IL1RAPL1: variants seen among roughly 807,000 people sequenced by gnomAD.
IL1RAPL1 encodes the protein interleukin 1 receptor accessory protein like 1, also known as interleukin-1 receptor accessory protein-like 1.
In IL1RAPL1, 3 loss-of-function variants were observed where a neutral mutation model predicts 48.4. The observed-to-expected ratio is 0.06, with a 90% CI of 0.03 to 0.16. The LOEUF (loss-of-function observed/expected upper bound fraction) is 0.16. IL1RAPL1 is among the 10% of genes least tolerant of loss of function. IL1RAPL1 has a pLI of 1.00. For synonymous variants in IL1RAPL1, 185 were observed against 187.7 expected (o/e 0.99, Z 0.12); for missense variants, 349 against 530.6 (o/e 0.66, Z 3.36).
rs184585508 is a variant in IL1RAPL1 at position 28,588,904 on chromosome X, C to A, written c.-25+857C>A. ...AGACCGTCCTTTTATTGCAATGCAGCCAGCTTGGGAAATGCAGGCAATTAA... is the reference window on the plus strand; with the variant it reads ...AGACCGTCCTTTTATTGCAATGCAGACAGCTTGGGAAATGCAGGCAATTAA... On this transcript the variant is annotated intron_variant, in intron 1 of 10. Coordinates refer to ENST00000378993, the MANE Select transcript of IL1RAPL1 (RefSeq NM_014271.4). 8.9e-5 allele frequency among the ~76,000 whole-genome samples: 10 copies of A among 111,763 alleles called. No individual in the cohort carries two copies. In the East Asian group the frequency reaches 2.5e-3, roughly 28 times the overall value.
At chrX:29,604,205 T>A (rs771030883) in intron 5 of IL1RAPL1, among the ~76,000 whole-genome samples, 1 of 112,266 alleles carries the variant, frequency 8.9e-6, no homozygotes, top group Non-Finnish European at 1.9e-5. Flanking sequence ...AACTTCTACT[T>A]TCTCCTCTGA....
At chrX:29,175,056 A>AGT (rs74497785) in intron 2 of IL1RAPL1, among the ~76,000 whole-genome samples, 43,818 of 93,292 alleles carry the variant, frequency 0.47, 8,760 homozygotes, top group Non-Finnish European at 0.55. Flanking sequence ...CCTGGGCAAC[A>AGT]GTGTGAGACT....
intron 6 of IL1RAPL1, among the ~76,000 whole-genome samples, chrX:29,760,138 C>A (rs763049151): frequency 9.0e-6 from 1 of 111,624 alleles, no homozygotes; most frequent in South Asian, 3.8e-4. Flanking sequence ...ACAATCATTG[C>A]GAGATGGGGA....
chrX:28,810,027 A>G (rs957806284), intron 2 of IL1RAPL1, among the ~76,000 whole-genome samples: 4 of 109,335 alleles, frequency 3.7e-5, no homozygotes, highest in African/African-American at 1.3e-4. Flanking sequence ...GAGTAACTGT[A>G]TTGATGGTGG....
intron 3 of IL1RAPL1, among the ~76,000 whole-genome samples, chrX:29,341,910 G>C (rs894121884): frequency 2.7e-5 from 3 of 110,726 alleles, no homozygotes; most frequent in African/African-American, 9.9e-5. Flanking sequence ...GGGTTCAAGA[G>C]ATTCTCCTAC....
chrX:29,450,862 C>T (rs925290609), intron 5 of IL1RAPL1, among the ~76,000 whole-genome samples: 7 of 111,009 alleles, frequency 6.3e-5, no homozygotes, highest in Non-Finnish European at 1.1e-4. Flanking sequence ...TAAATTTTGT[C>T]AAATAAACTT....
intron 2 of IL1RAPL1, among the ~76,000 whole-genome samples, chrX:29,210,028 A>G (rs980107454): frequency 3.6e-5 from 4 of 112,106 alleles, no homozygotes; most frequent in African/African-American, 1.3e-4. Flanking sequence ...TTGGCAGGTG[A>G]AAGTCAACCA....
rs777971576 is a variant in IL1RAPL1 at position 29,459,613 on chromosome X, G to C, written c.703+60305G>C. On this transcript the variant is annotated intron_variant, in intron 5 of 10. Transcript: ENST00000378993. ...GATTTCTAAAAAAGAGGTTGTTGAG[G>C]TAAACTGTAACATTCTAAAAATTAT... 2.7e-5 allele frequency among the ~76,000 whole-genome samples: 3 copies of C among 111,349 alleles called. No individual in the cohort carries two copies. The South Asian group carries it at 1.2e-3, about 43-fold the overall frequency.
At chrX:28,901,382 A>G (rs1021890238) in intron 2 of IL1RAPL1, among the ~76,000 whole-genome samples, 6 of 112,393 alleles carry the variant, frequency 5.3e-5, no homozygotes, top group Non-Finnish European at 1.1e-4. Context: ...TATTATTTTC[A>G]ATATTTAGAT....
intron 2 of IL1RAPL1, among the ~76,000 whole-genome samples, chrX:29,254,609 T>C (rs1204883517): frequency 1.8e-5 from 2 of 111,417 alleles, no homozygotes; most frequent in Non-Finnish European, 3.8e-5. Context: ...ATTTATACAG[T>C]GGACTACTAG....
chrX:29,848,412 A>AT (rs770213524), intron 6 of IL1RAPL1, among the ~76,000 whole-genome samples: 2 of 103,885 alleles, frequency 1.9e-5, no homozygotes, highest in East Asian at 3.1e-4. Context: ...AGCACCACAT[A>AT]TTTTTTTTCT....
chrX:29,846,796 GTA>G (rs780052241), intron 6 of IL1RAPL1, among the ~76,000 whole-genome samples: 169 of 35,255 alleles, frequency 4.8e-3, no homozygotes, highest in African/African-American at 0.023. Context: ...GTATATATAT[GTA>G]TATACACACA....
intron 2 of IL1RAPL1, among the ~76,000 whole-genome samples, chrX:29,166,229 T>C (rs1929783581): frequency 8.9e-6 from 1 of 112,212 alleles, no homozygotes; most frequent in Non-Finnish European, 1.9e-5. Flanking sequence ...AGTCTGGTGG[T>C]TCACAGGAAA....
At position 29,926,289 on chromosome X, in the gene IL1RAPL1, TTAACTTTTTTCTCAATTAA is replaced by T. The variant is rs754114652; in HGVS notation, c.1057+6199_1057+6217del. ...GAAAAGGACCATTGTCTGCTGATGA[TTAACTTTTTTCTCAATTAA>T]TAAATGACAAGAGGGTGATCCTGGA... On this transcript the variant is annotated intron_variant, in intron 8 of 10. Coordinates refer to ENST00000378993, the MANE Select transcript of IL1RAPL1 (RefSeq NM_014271.4). Among the ~76,000 whole-genome samples, 4 of 112,306 alleles carry T rather than the reference TTAACTTTTTTCTCAATTAA, an allele frequency of 3.6e-5. No homozygotes were observed. In the South Asian group the frequency reaches 1.5e-3, roughly 41 times the overall value.
intron 3 of IL1RAPL1, among the ~76,000 whole-genome samples, chrX:29,373,711 T>A: frequency 9.1e-6 from 1 of 110,418 alleles, no homozygotes; most frequent in Non-Finnish European, 1.9e-5. Context: ...TAATTATCTT[T>A]ATGTGGTAAA....
chrX:29,787,002 A>G (rs182240579), intron 6 of IL1RAPL1, among the ~76,000 whole-genome samples: 4 of 111,653 alleles, frequency 3.6e-5, no homozygotes, highest in Non-Finnish European at 7.5e-5. Context: ...ATAGTGATGT[A>G]CTCCCAGGCA....
chrX:29,309,062 A>G, intron 3 of IL1RAPL1, among the ~76,000 whole-genome samples: 1 of 112,636 alleles, frequency 8.9e-6, no homozygotes, highest in Non-Finnish European at 1.9e-5. Context: ...GTTGTCCTAT[A>G]GGACATAAGT....
chrX:29,505,538 T>G (rs1202848631), intron 5 of IL1RAPL1, among the ~76,000 whole-genome samples: 2 of 111,566 alleles, frequency 1.8e-5, no homozygotes, highest in Non-Finnish European at 3.8e-5. Context: ...ATGGCAGTTT[T>G]TTTTTTCTTT....
chrX:29,918,144 A>AAAAAAAAAAAAT (rs1555935868), intron 7 of IL1RAPL1, among the ~76,000 whole-genome samples: 1 of 23,767 alleles, frequency 4.2e-5, no homozygotes, highest in Non-Finnish European at 6.6e-5. Flanking sequence ...AAAAAAAAAA[A>AAAAAAAAAAAAT]ATATATATAT....
Sources: allele counts gnomAD v4.1 joint callset (sites outside exome capture counted in the v4.1 genomes callset), GRCh38; gene constraint gnomAD v4.1.1; transcripts MANE v1.5; gene names NCBI Gene and HGNC (gene_info 2026-07-23, HGNC 2026-07-21).